The following LRMDA variants were observed in gnomAD, a reference collection of about 807,000 sequenced individuals.
LRMDA encodes leucine-rich melanocyte differentiation-associated protein.
LRMDA carries 18 observed loss-of-function variants against 29.8 expected under a neutral mutation model. The ratio of observed to expected loss-of-function variants is 0.60; its 90% CI spans 0.42 to 0.90. The LOEUF is 0.90. Ranked by LOEUF, LRMDA falls within the 40% of genes least tolerant of loss-of-function variation. LRMDA has a pLI of 0.00. For synonymous variants in LRMDA, 125 were observed against 109.4 expected, an observed-to-expected ratio of 1.14 and a Z score of -0.89; for missense variants, 273 against 273.9, an observed-to-expected ratio of 1.00 and a Z score of 0.02.
chr10:76,475,735 A>T (rs11516637), intron 6 of LRMDA, among the ~76,000 whole-genome samples: 2,372 of 152,262 alleles, frequency 0.016, 28 homozygotes, highest in Non-Finnish European at 0.024. Flanking sequence ...AGAACTCAGG[A>T]TTAAGAAACT....
chr10:76,559,379 GTTGT>G lies in LRMDA; in HGVS notation c.*2094_*2097del, dbSNP rs1843597889. On this transcript the variant is annotated 3_prime_UTR_variant, in exon 7 of 7. Coordinates refer to ENST00000611255, the MANE Select transcript of LRMDA (RefSeq NM_001305581.2). ...GACCACATTGTTTCCCTCTCTTTGG[GTTGT>G]TTATTTTCTTCCAGAATGGTGTAAT... The G allele has an allele frequency of 6.6e-6, 1 of 152,092 alleles. No individual in the cohort carries two copies. The highest frequency in any genetic ancestry group is 2.4e-5 in the African/African-American group (1 of 41,412). 9.4% of individuals were successfully genotyped at this position (152,092 alleles called of 1,614,324 possible).
intron 5 of LRMDA, among the ~76,000 whole-genome samples, chr10:76,222,868 A>C (rs1480215810): frequency 2.0e-5 from 3 of 152,238 alleles, no homozygotes; most frequent in Admixed American, 6.5e-5. Flanking sequence ...AACCAACCCA[A>C]ATGTCCAACA....
chr10:75,736,559 G>C (rs1423476123), intron 2 of LRMDA, among the ~76,000 whole-genome samples: 2 of 152,170 alleles, frequency 1.3e-5, no homozygotes, highest in African/African-American at 4.8e-5. Context: ...TGCAGTTGTT[G>C]TAATGTAATA....
chr10:75,472,161 A>G (rs1162640305), intron 2 of LRMDA, among the ~76,000 whole-genome samples: 2 of 152,074 alleles, frequency 1.3e-5, no homozygotes, highest in Admixed American at 1.3e-4. Context: ...AATCAGCTCA[A>G]CATCTATAGC....
Position 76,363,176 on chromosome 10 carries a change from A to AGGGAGGGAG in LRMDA, c.601+38693_601+38694insGAGGGAGGG, listed in dbSNP as rs1249338089. Among the ~76,000 whole-genome samples the AGGGAGGGAG allele has an allele frequency of 1.5e-3, 32 of 21,794 alleles. 3 individuals are homozygous for AGGGAGGGAG. The highest frequency in any genetic ancestry group is 2.8e-3 in the Non-Finnish European group (24 of 8,594). 14.3% of individuals were successfully genotyped at this position (21,794 alleles called of 152,430 possible). ...AAGAAAGAAAGAAAGAAAGAAAGAA[A>AGGGAGGGAG]GGAGGGAGGGAGGGAGGGAGGGAGG... On this transcript the variant is annotated intron_variant, in intron 6 of 6. Coordinates refer to ENST00000611255, the MANE Select transcript of LRMDA (RefSeq NM_001305581.2).
chr10:76,260,215 C>T (rs924278302), intron 5 of LRMDA, among the ~76,000 whole-genome samples: 1 of 151,988 alleles, frequency 6.6e-6, no homozygotes, highest in African/African-American at 2.4e-5. Context: ...TGATAGGTTT[C>T]TCTTCTTCTT....
At chr10:76,295,532 T>G (rs1213653274) in intron 5 of LRMDA, among the ~76,000 whole-genome samples, 2 of 152,216 alleles carry the variant, frequency 1.3e-5, no homozygotes, top group African/African-American at 2.4e-5. Flanking sequence ...TTTCTAAAAG[T>G]TGAATGAGCT....
intron 5 of LRMDA, among the ~76,000 whole-genome samples, chr10:76,282,967 T>G (rs1840225171): frequency 6.6e-6 from 1 of 152,166 alleles, no homozygotes. Context: ...ATACTTAAAC[T>G]TCTTGGTATA....
chr10:75,948,783 G>T (rs759373719), intron 2 of LRMDA, among the ~76,000 whole-genome samples: 3 of 152,082 alleles, frequency 2.0e-5, no homozygotes, highest in Non-Finnish European at 2.9e-5. Context: ...AGGACCCATG[G>T]CTGCTGTGGT....
chr10:75,575,183 G>C (rs981797161), intron 2 of LRMDA, among the ~76,000 whole-genome samples: 1 of 152,196 alleles, frequency 6.6e-6, no homozygotes, highest in Non-Finnish European at 1.5e-5. Context: ...CTTCCTACCA[G>C]GCCCTGCCTA....
At chr10:75,723,695 C>T (rs1842597022) in intron 2 of LRMDA, among the ~76,000 whole-genome samples, 1 of 152,170 alleles carries the variant, frequency 6.6e-6, no homozygotes. Context: ...ACAGAAGTGG[C>T]AAGAGCAGGC....
chr10:75,988,329 C>T (rs56064406), intron 2 of LRMDA, among the ~76,000 whole-genome samples: 3,555 of 152,154 alleles, frequency 0.023, 83 homozygotes, highest in East Asian at 0.07. Flanking sequence ...TCCCTCCAGC[C>T]TCCACCACCT....
intron 5 of LRMDA, among the ~76,000 whole-genome samples, chr10:76,313,508 T>TG (rs988295017): frequency 6.6e-6 from 1 of 152,150 alleles, no homozygotes; most frequent in Non-Finnish European, 1.5e-5. Context: ...AATTGTGAAT[T>TG]AGTCAAGAAC....
intron 2 of LRMDA, among the ~76,000 whole-genome samples, chr10:75,542,674 G>C (rs1840032070): frequency 6.6e-6 from 1 of 152,174 alleles, no homozygotes. Context: ...TTTGTTTCTA[G>C]CCAGCCTAAA....
At chr10:76,087,736 G>T (rs1244174096) in intron 5 of LRMDA, among the ~76,000 whole-genome samples, 1 of 152,116 alleles carries the variant, frequency 6.6e-6, no homozygotes, top group Admixed American at 6.6e-5. Flanking sequence ...AAATAGAGGG[G>T]CCCAAAAGGA....
chr10:75,484,067 C>T (rs1444674717), intron 2 of LRMDA, among the ~76,000 whole-genome samples: 1 of 152,034 alleles, frequency 6.6e-6, no homozygotes, highest in Non-Finnish European at 1.5e-5. Flanking sequence ...GCAATCCTCC[C>T]ACTTCAGCCT....
chr10:75,500,198 C>T (rs962055151), intron 2 of LRMDA, among the ~76,000 whole-genome samples: 19 of 152,270 alleles, frequency 1.2e-4, no homozygotes, highest in African/African-American at 4.6e-4. Flanking sequence ...CTTCCAGTGA[C>T]ACCCAGACCT....
chr10:75,920,902 G>A (rs2132388554), intron 2 of LRMDA, among the ~76,000 whole-genome samples: 1 of 152,252 alleles, frequency 6.6e-6, no homozygotes, highest in South Asian at 2.1e-4. Context: ...TAGGGTGTGC[G>A]GATGGGCCAT....
At chr10:75,876,797 G>A (rs535749639) in intron 2 of LRMDA, among the ~76,000 whole-genome samples, 2 of 152,304 alleles carry the variant, frequency 1.3e-5, no homozygotes, top group South Asian at 2.1e-4. Context: ...ACGATTAAGT[G>A]CTTCCTTAGT....
Sources: gnomAD v4.1 joint callset for allele counts (sites outside exome capture counted in the v4.1 genomes callset) on GRCh38, gnomAD v4.1.1 for gene constraint, MANE v1.5 for transcripts, NCBI Gene and HGNC (gene_info 2026-07-23, HGNC 2026-07-21) for gene names.